The following PXN variants were observed in gnomAD, a reference collection of about 807,000 sequenced individuals.
PXN encodes testicular tissue protein Li 134.
In PXN, 61 loss-of-function variants were observed where a neutral mutation model predicts 103.6. The ratio of observed to expected loss-of-function variants is 0.59; its 90% CI spans 0.48 to 0.73. The LOEUF (loss-of-function observed/expected upper bound fraction) is 0.73. Among genes scored for constraint, PXN ranks in the 30% least tolerant of loss-of-function variants. PXN has a pLI of 0.00. For synonymous variants in PXN, 562 were observed against 607.8 expected (o/e 0.92, Z 1.11); for missense variants, 1,274 against 1,460.3 (o/e 0.87, Z 2.08).
chr12:120,231,406 T>G (rs1480225250), intron 1 of PXN, among the ~76,000 whole-genome samples: 2 of 152,192 alleles, frequency 1.3e-5, no homozygotes, highest in African/African-American at 4.8e-5. Context: ...GCCTGGAGGT[T>G]ACAAAGACTC....
At chr12:120,256,368 A>T (rs1893015748) in intron 1 of PXN, among the ~76,000 whole-genome samples, 1 of 152,126 alleles carries the variant, frequency 6.6e-6, no homozygotes. Context: ...AGATCACTGT[A>T]CTTCATCCTG....
Position 120,215,298 on chromosome 12 carries a change from A to G in PXN, c.2404-25T>C. 1 of 1,566,872 alleles carries G rather than the reference A, an allele frequency of 6.4e-7. No individual in the cohort carries two copies. Among genetic ancestry groups the G allele is most frequent in the Non-Finnish European group, 8.6e-7 (1 of 1,159,322 alleles). On this transcript the variant is annotated intron_variant, in intron 10 of 14. Transcript: ENST00000637617. This position sits in a 1 kb window ranked among gnomAD's most constrained non-coding sequence, Gnocchi z 4.9. ...ACTGTGGACACGGAGGGGGCTGGTC[A>G]GGACTCCTGAGGCTCGGGGTACGGT...
In PXN at chr12:120,219,757, G is replaced by A. The variant is rs984766050; in HGVS notation, c.1166C>T (p.Thr389Ile). Reference protein sequence around the residue: ...SQGRDWRHLPTITSELSGAPR... With the variant: ...SQGRDWRHLPIITSELSGAPR... ...AGCCCCAGAGAGCTCACTTGTGATG[G>A]TCGGCAGGTGCCTCCAATCTCGACC... Residue 389 changes from threonine (T) to isoleucine (I), a missense_variant, in exon 7 of 15, where the codon ACC (threonine) becomes ATC (isoleucine). Thr to Ile is a moderately conservative substitution (Grantham distance 89). Around this residue, in one of 2 missense-constraint regions of PXN, gnomAD observed 1,178 missense variants for 1,309.0 expected, o/e 0.90. Transcript: ENST00000637617. The surrounding 1 kb of genome is among the most constrained non-coding windows in gnomAD (Gnocchi z 6.5). The A allele has an allele frequency of 3.8e-6, 6 of 1,597,542 alleles. No homozygotes were observed. Among genetic ancestry groups the A allele is most frequent in the Admixed American group, 1.7e-5 (1 of 59,910 alleles).
chr12:120,233,793 T>C (rs1431010630), intron 1 of PXN, among the ~76,000 whole-genome samples: 1 of 152,200 alleles, frequency 6.6e-6, no homozygotes. Flanking sequence ...TCCCCCTCAC[T>C]GCAACCCATG....
rs943009218 is a variant in PXN, at chr12:120,219,778, C to T, written c.1145G>A (p.Arg382Gln). The T allele has an allele frequency of 1.2e-5, 19 of 1,597,872 alleles. No homozygotes were observed. The highest frequency in any genetic ancestry group is 1.1e-4 in the African/African-American group (8 of 74,886). The change falls in exon 7 of 15, where the codon CGA (arginine) becomes CAA (glutamine). Residue 382 changes from arginine (R) to glutamine (Q), a missense_variant. Transcript: ENST00000637617. The surrounding 1 kb of genome is among the most constrained non-coding windows in gnomAD (Gnocchi z 6.5). The part of the protein sequence containing the change: ...LWAVGTESQG[R>Q]DWRHLPTITS... ...GATGGTCGGCAGGTGCCTCCAATCT[C>T]GACCCTGACTCTCTGTGCCCACTGC...
chr12:120,216,402 C>T lies in PXN; in HGVS notation c.2172G>A (p.Gly724=), dbSNP rs1164116390. Residue 724 remains glycine, a synonymous_variant, in exon 9 of 15, where the codon GGG becomes GGA. Coordinates refer to ENST00000637617, the MANE Select transcript of PXN (RefSeq NM_001385981.1). This position sits in a 1 kb window ranked among gnomAD's most constrained non-coding sequence, Gnocchi z 5.1. ...GGGGCTCTTCCCCTGCACTCTGGAC[C>T]CCAGAAGAACCACAGGTATAAGCTG... is the stretch of plus-strand genomic sequence containing the variant. ...GPSAYTCGSS[G]VQSAGEEPHD... is the part of the protein sequence containing the mutation. 3.9e-5 allele frequency: 53 copies of T among 1,348,722 alleles called. No individual in the cohort carries two copies. Among genetic ancestry groups the T allele is most frequent in the Non-Finnish European group, 4.6e-5 (49 of 1,058,078 alleles). 83.5% of individuals were successfully genotyped at this position (1,348,722 alleles called of 1,614,324 possible). A position where few individuals can be genotyped will look rare whatever the true frequency, so the allele number is the denominator to read the frequency against.
In PXN at chr12:120,219,063, C is replaced by CT; in HGVS notation, c.1716+143dup. The CT allele has an allele frequency of 4.5e-6, 4 of 898,248 alleles. No homozygotes were observed. The highest frequency in any genetic ancestry group is 6.5e-6 in the Non-Finnish European group (4 of 616,658). The allele number at this position is 898,248 out of a possible 1,614,324, so 55.6% of individuals were successfully genotyped here. ...CACAGAGCCCACTGCCAAGTGCTGA[C>CT]TGTCAGGTCCGGCCACAGTGTCTCA... On this transcript the variant is annotated intron_variant, in intron 7 of 14. Transcript: ENST00000637617. The surrounding 1 kb of genome is among the most constrained non-coding windows in gnomAD (Gnocchi z 6.5).
At chr12:120,251,880 AC>A (rs1892250131) in intron 1 of PXN, among the ~76,000 whole-genome samples, 2 of 152,072 alleles carry the variant, frequency 1.3e-5, no homozygotes, top group Non-Finnish European at 2.9e-5. Flanking sequence ...CAAACCCTCC[AC>A]CCCAGGAGTT....
chr12:120,223,690 A>G (rs1203335939), intron 3 of PXN, 28 bp downstream of exon 3: 1 of 1,499,808 alleles, frequency 6.7e-7, no homozygotes, highest in Admixed American at 2.0e-5. Context: ...GCAGGAGGGA[A>G]GGTGCCCTGG....
chr12:120,250,993 C>G (rs981281605), intron 1 of PXN, among the ~76,000 whole-genome samples: 3 of 152,112 alleles, frequency 2.0e-5, no homozygotes, highest in African/African-American at 7.2e-5. Flanking sequence ...CACTTGAGGC[C>G]AGGAGTTCAA....
In PXN at chr12:120,215,286, AG is replaced by A; in HGVS notation, c.2404-14del. 2 of 1,576,634 alleles carry A rather than the reference AG, an allele frequency of 1.3e-6. No homozygotes were observed. Among genetic ancestry groups the A allele is most frequent in the Non-Finnish European group, 1.7e-6 (2 of 1,163,842 alleles). On this transcript the variant is annotated splice_polypyrimidine_tract_variant and intron_variant, in intron 10 of 14. Coordinates refer to ENST00000637617, the MANE Select transcript of PXN (RefSeq NM_001385981.1). The surrounding 1 kb of genome is among the most constrained non-coding windows in gnomAD (Gnocchi z 4.9). ...CCTGGGCCATGAACTGTGGACACGG[AG>A]GGGGCTGGTCAGGACTCCTGAGGCT...
In PXN at chr12:120,220,725, G is replaced by C. The variant is rs959125188; in HGVS notation, c.832-634C>G. On this transcript the variant is annotated intron_variant, in intron 6 of 14. Transcript: ENST00000637617. This position sits in a 1 kb window ranked among gnomAD's most constrained non-coding sequence, Gnocchi z 6.1. ...TGGCCTGGAGCTGGAACTATAGCAC[G>C]CAAGGGTCACAGGGCCAGGCTCAAC... Among the ~76,000 whole-genome samples the C allele has an allele frequency of 6.6e-6, 1 of 152,232 alleles. No homozygotes were observed.
chr12:120,238,002 A>T (rs949610405), intron 1 of PXN, among the ~76,000 whole-genome samples: 1 of 152,202 alleles, frequency 6.6e-6, no homozygotes, highest in Non-Finnish European at 1.5e-5. Flanking sequence ...TGCCCCGGCC[A>T]CTGTCCTGAA....
chr12:120,212,946 C>G lies in PXN; in HGVS notation c.2980-366G>C. On this transcript the variant is annotated intron_variant, in intron 14 of 14. Transcript: ENST00000637617. The surrounding 1 kb of genome is among the most constrained non-coding windows in gnomAD (Gnocchi z 7.2). ...AGCTACTGAGGTCACAGCCTGGATT[C>G]ATACACAGGTCTGACTCCTGAGCAC... 3 of 192,866 alleles carry G rather than the reference C, an allele frequency of 1.6e-5. No individual in the cohort carries two copies. Among genetic ancestry groups the G allele is most frequent in the South Asian group, 1.1e-4 (1 of 9,166 alleles). The allele number at this position is 192,866 out of a possible 1,614,324, so 11.9% of individuals were successfully genotyped here. A position where few individuals can be genotyped will look rare whatever the true frequency, so the allele number is the denominator to read the frequency against.
In PXN at chr12:120,217,074, G is replaced by A; in HGVS notation, c.1759C>T (p.His587Tyr). 4 of 1,591,856 alleles carry A rather than the reference G, an allele frequency of 2.5e-6. No homozygotes were observed. The highest frequency in any genetic ancestry group is 3.4e-6 in the Non-Finnish European group (4 of 1,177,470). Residue 587 changes from histidine to tyrosine, a missense_variant, in exon 8 of 15, where the codon CAC becomes TAC. His to Tyr is a moderately conservative substitution (Grantham distance 83, BLOSUM62 2). Around this residue, in one of 2 missense-constraint regions of PXN, gnomAD observed 1,178 missense variants for 1,309.0 expected, o/e 0.90. Transcript: ENST00000637617. The surrounding 1 kb of genome is among the most constrained non-coding windows in gnomAD (Gnocchi z 4.1). ...IRRSWESGHA[H>Y]PMSREPSPRR... The stretch of plus-strand genomic sequence containing the variant: ...GGGGAGGGCTCCCGGGACATGGGGT[G>A]TGCGTGGCCAGACTCCCAGCTCCTC...
Position 120,224,898 on chromosome 12 carries a change from C to T in PXN, c.14-521G>A, listed in dbSNP as rs1886402987. 4 of 361,988 alleles carry T rather than the reference C, an allele frequency of 1.1e-5. No homozygotes were observed. Among genetic ancestry groups the T allele is most frequent in the South Asian group, 8.0e-5 (4 of 49,822 alleles). The allele number at this position is 361,988 out of a possible 1,614,324, so 22.4% of individuals were successfully genotyped here. ...TCCTAACCAGGTGGAAGCAGAAGCCCAGGCTCCAGGTTCCTCCTGAGGCTC... is the reference window on the plus strand; with the variant it reads ...TCCTAACCAGGTGGAAGCAGAAGCCTAGGCTCCAGGTTCCTCCTGAGGCTC... On this transcript the variant is annotated intron_variant, in intron 1 of 14. Coordinates refer to ENST00000637617, the MANE Select transcript of PXN (RefSeq NM_001385981.1). The surrounding 1 kb of genome is among the most constrained non-coding windows in gnomAD (Gnocchi z 5.0).
chr12:120,216,664 C>T lies in PXN; in HGVS notation c.1993-83G>A, dbSNP rs1289514475. ...GGGTGGCGGGACCTCCCCAGGCTCC[C>T]CCTGGGCCTTCCCACTCTGCACCAA... On this transcript the variant is annotated intron_variant, in intron 8 of 14. Transcript: ENST00000637617. The surrounding 1 kb of genome is among the most constrained non-coding windows in gnomAD (Gnocchi z 5.1). 1.3e-6 allele frequency: 2 copies of T among 1,576,404 alleles called. No homozygotes were observed. Among genetic ancestry groups the T allele is most frequent in the Non-Finnish European group, 8.5e-7 (1 of 1,173,266 alleles).
Position 120,212,209 on chromosome 12 carries a change from A to G in PXN, c.*105T>C. On this transcript the variant is annotated 3_prime_UTR_variant, in exon 15 of 15. Transcript: ENST00000637617. This position sits in a 1 kb window ranked among gnomAD's most constrained non-coding sequence, Gnocchi z 7.2. Reference sequence around the variant, plus strand: ...CGCACCAGCGGAGGACAAGGGTTCCAGTTTCAGTCGGGTTTACCCCTTCAC... The same window carrying G: ...CGCACCAGCGGAGGACAAGGGTTCCGGTTTCAGTCGGGTTTACCCCTTCAC... 1 of 1,458,534 alleles carries G rather than the reference A, an allele frequency of 6.9e-7. No individual in the cohort carries two copies. Among genetic ancestry groups the G allele is most frequent in the Non-Finnish European group, 9.2e-7 (1 of 1,081,468 alleles). The allele number at this position is 1,458,534 out of a possible 1,614,324, so 90.3% of individuals were successfully genotyped here. A position where few individuals can be genotyped will look rare whatever the true frequency, so the allele number is the denominator to read the frequency against.
chr12:120,232,272 G>A (rs914163198), intron 1 of PXN, among the ~76,000 whole-genome samples: 3 of 152,160 alleles, frequency 2.0e-5, no homozygotes, highest in African/African-American at 7.2e-5. Flanking sequence ...CTTCCTGCCT[G>A]GGCCTTCCCA....
Sources: gnomAD v4.1 joint callset for allele counts (sites outside exome capture counted in the v4.1 genomes callset) on GRCh38, gnomAD v4.1.1 for gene constraint, gnomAD v4.1.1 regional missense constraint, Gnocchi (gnomAD v3.1) non-coding constraint, MANE v1.5 for transcripts, NCBI Gene and HGNC (gene_info 2026-07-23, HGNC 2026-07-21) for gene names.